Variants in IL1RAPL1 observed in about 807,000 individuals in gnomAD.
IL1RAPL1 encodes the protein interleukin-1 receptor accessory protein-like 1.
IL1RAPL1 carries 3 observed loss-of-function variants against 48.4 expected under a neutral mutation model. The observed-to-expected ratio is 0.06, with a 90% confidence interval of 0.03 to 0.16. The LOEUF (loss-of-function observed/expected upper bound fraction) is 0.16. Among genes scored for constraint, IL1RAPL1 ranks in the 10% least tolerant of loss-of-function variants. The pLI, the probability that IL1RAPL1 is intolerant of heterozygous loss-of-function variation, is 1.00. For synonymous variants in IL1RAPL1, 185 were observed against 187.7 expected (o/e 0.99, Z 0.12); for missense variants, 349 against 530.6 (o/e 0.66, Z 3.36).
chrX:28,958,986 C>T (rs944572103), intron 2 of IL1RAPL1, among the ~76,000 whole-genome samples: 3 of 110,988 alleles, frequency 2.7e-5, no homozygotes, highest in African/African-American at 9.8e-5. Flanking sequence ...AGATAAATAT[C>T]TTCAGCTCTT....
intron 2 of IL1RAPL1, among the ~76,000 whole-genome samples, chrX:28,802,046 C>A (rs764408193): frequency 6.3e-5 from 7 of 111,847 alleles, no homozygotes; most frequent in Non-Finnish European, 1.3e-4. Context: ...ACCTGAGGCC[C>A]ATTGTTAGCT....
At chrX:29,261,757 C>T (rs1049030179) in intron 2 of IL1RAPL1, among the ~76,000 whole-genome samples, 3 of 110,974 alleles carry the variant, frequency 2.7e-5, no homozygotes, top group African/African-American at 9.8e-5. Context: ...CTTGCCATGT[C>T]TGGTTTCTTT....
intron 3 of IL1RAPL1, among the ~76,000 whole-genome samples, chrX:29,284,861 T>G (rs1038851219): frequency 1.8e-5 from 2 of 112,587 alleles, no homozygotes; most frequent in Non-Finnish European, 3.7e-5. Flanking sequence ...GTAGAGGTTT[T>G]GTAGGGGTAC....
chrX:29,601,143 T>C (rs1327800455), intron 5 of IL1RAPL1, among the ~76,000 whole-genome samples: 2 of 112,259 alleles, frequency 1.8e-5, no homozygotes, highest in Non-Finnish European at 3.8e-5. Context: ...TGAAAGTAAA[T>C]AGATTTACTA....
At chrX:29,703,121 G>A (rs1168570864) in intron 6 of IL1RAPL1, among the ~76,000 whole-genome samples, 1 of 111,028 alleles carries the variant, frequency 9.0e-6, no homozygotes, top group African/African-American at 3.3e-5. Context: ...TTCATAAATT[G>A]TAATTATAAG....
At chrX:28,979,059 G>T (rs188622767) in intron 2 of IL1RAPL1, among the ~76,000 whole-genome samples, 9 of 111,915 alleles carry the variant, frequency 8.0e-5, no homozygotes, top group Admixed American at 6.6e-4. Flanking sequence ...ACAGAACCAA[G>T]TGGCCAAGGC....
intron 5 of IL1RAPL1, among the ~76,000 whole-genome samples, chrX:29,594,980 G>A (rs918635436): frequency 2.7e-5 from 3 of 111,748 alleles, no homozygotes; most frequent in Admixed American, 9.5e-5. Flanking sequence ...GCAAACATGC[G>A]ATGTTTGATT....
chrX:29,013,374 C>T (rs377283595), intron 2 of IL1RAPL1, among the ~76,000 whole-genome samples: 1 of 111,333 alleles, frequency 9.0e-6, no homozygotes, highest in East Asian at 2.8e-4. Flanking sequence ...GGTATATATC[C>T]AAAAGAATAT....
intron 2 of IL1RAPL1, among the ~76,000 whole-genome samples, chrX:28,866,631 C>T (rs1166187918): frequency 8.9e-6 from 1 of 111,848 alleles, no homozygotes; most frequent in East Asian, 2.8e-4. Flanking sequence ...CAATAATGGC[C>T]ATCATTTTTT....
chrX:29,057,681 G>A (rs1279099917), intron 2 of IL1RAPL1, among the ~76,000 whole-genome samples: 1 of 110,909 alleles, frequency 9.0e-6, no homozygotes, highest in African/African-American at 3.3e-5. Context: ...CGCCCGCCTC[G>A]GCCTCCCAAA....
intron 1 of IL1RAPL1, among the ~76,000 whole-genome samples, chrX:28,752,092 C>T (rs1247950279): frequency 8.9e-6 from 1 of 112,216 alleles, no homozygotes; most frequent in African/African-American, 3.2e-5. Context: ...CATAAACTGG[C>T]ATGCACATTT....
chrX:29,070,378 C>T (rs1006981320), intron 2 of IL1RAPL1, among the ~76,000 whole-genome samples: 1 of 111,493 alleles, frequency 9.0e-6, no homozygotes, highest in African/African-American at 3.3e-5. Context: ...CAGATATCAG[C>T]GCCCTAATTA....
chrX:29,926,580 T>C (rs1481347222), intron 8 of IL1RAPL1, among the ~76,000 whole-genome samples: 2 of 112,269 alleles, frequency 1.8e-5, no homozygotes, highest in African/African-American at 3.2e-5. Context: ...GTAAATGTGA[T>C]GAATGGGCTG....
chrX:29,316,844 G>C (rs1932772278), intron 3 of IL1RAPL1, among the ~76,000 whole-genome samples: 1 of 111,687 alleles, frequency 9.0e-6, no homozygotes, highest in Admixed American at 9.5e-5. Context: ...CTTAGGTCCT[G>C]TTTATAATTT....
chrX:29,138,862 C>A (rs1480492058), intron 2 of IL1RAPL1, among the ~76,000 whole-genome samples: 1 of 110,184 alleles, frequency 9.1e-6, no homozygotes, highest in African/African-American at 3.3e-5. Context: ...AAATATCATC[C>A]TTTAATCTTT....
chrX:28,765,047 A>G (rs1181027340), intron 1 of IL1RAPL1, among the ~76,000 whole-genome samples: 2 of 108,744 alleles, frequency 1.8e-5, no homozygotes, highest in African/African-American at 3.4e-5. Context: ...GCAAACTATC[A>G]CAAGGACAAA....
At chrX:29,130,104 C>G (rs758403880) in intron 2 of IL1RAPL1, among the ~76,000 whole-genome samples, 1 of 111,300 alleles carries the variant, frequency 9.0e-6, no homozygotes, top group African/African-American at 3.3e-5. Context: ...GGTATTCTTA[C>G]GAGGGATGAT....
intron 1 of IL1RAPL1, among the ~76,000 whole-genome samples, chrX:28,620,247 A>G (rs928227988): frequency 2.1e-4 from 24 of 112,198 alleles, no homozygotes; most frequent in African/African-American, 7.4e-4. Context: ...TTTTACAGAA[A>G]TAAATCTAAG....
chrX:29,689,429 A>G (rs1361870693), intron 6 of IL1RAPL1, among the ~76,000 whole-genome samples: 2 of 112,134 alleles, frequency 1.8e-5, no homozygotes, highest in Admixed American at 9.5e-5. Context: ...AAAGTTCTCA[A>G]TGTATTAATA....
Sources: allele counts gnomAD v4.1 joint callset (sites outside exome capture counted in the v4.1 genomes callset), GRCh38; gene constraint gnomAD v4.1.1; transcripts MANE v1.5; gene names NCBI Gene and HGNC (gene_info 2026-07-23, HGNC 2026-07-21).